EYA3: variants seen among roughly 807,000 people sequenced by gnomAD.
EYA3 encodes EYA transcriptional coactivator and phosphatase 3, also known as protein phosphatase EYA3.
In EYA3, 39 loss-of-function variants were observed where a neutral mutation model predicts 80.0. The ratio of observed to expected loss-of-function variants is 0.49; its 90% CI spans 0.38 to 0.64. The LOEUF (loss-of-function observed/expected upper bound fraction) is 0.64. Among genes scored for constraint, EYA3 ranks in the 30% least tolerant of loss-of-function variants. The pLI is 0.00. For missense variants in EYA3, 523 were observed against 676.1 expected (o/e 0.77, Z 2.51); for synonymous variants, 206 against 232.8 (o/e 0.88, Z 1.05).
At chr1:28,024,613 T>C (rs1417901927) in intron 7 of EYA3, among the ~76,000 whole-genome samples, 2 of 149,250 alleles carry the variant, frequency 1.3e-5, no homozygotes, top group African/African-American at 2.5e-5. Context: ...GCCGAGAGCA[T>C]GCCACTGCAC....
chr1:28,076,737 CTT>C (rs1024335865), intron 1 of EYA3, among the ~76,000 whole-genome samples: 3 of 115,106 alleles, frequency 2.6e-5, no homozygotes, highest in African/African-American at 6.4e-5. Context: ...TTTATAATTT[CTT>C]TTTTTTTTTT....
rs568768309 is a variant in EYA3 at position 28,042,345 on chromosome 1, G to T, written c.157+226C>A. On this transcript the variant is annotated intron_variant, in intron 4 of 17. Coordinates refer to ENST00000373871, the MANE Select transcript of EYA3 (RefSeq NM_001990.4). ...AATCTCAAAACAAAAATAAAATCAC[G>T]GCGTGTGACTCCTTGGGTGAGTGGA... Among the ~76,000 whole-genome samples, 5 of 152,032 alleles carry T rather than the reference G, an allele frequency of 3.3e-5. No individual in the cohort carries two copies. In the South Asian group the frequency reaches 1.0e-3, roughly 32 times the overall value.
At chr1:28,028,297 T>G (rs1642907540) in intron 6 of EYA3, among the ~76,000 whole-genome samples, 2 of 152,308 alleles carry the variant, frequency 1.3e-5, no homozygotes, top group South Asian at 4.1e-4. Flanking sequence ...ATCCAAACTG[T>G]CAAGGTAGGA....
intron 1 of EYA3, among the ~76,000 whole-genome samples, chr1:28,087,507 C>G (rs899718371): frequency 6.6e-6 from 1 of 152,142 alleles, no homozygotes; most frequent in African/African-American, 2.4e-5. Flanking sequence ...TTAAAGATTA[C>G]TTTGAAATTA....
At position 27,972,675 on chromosome 1, in the gene EYA3, T is replaced by C. The variant is rs1557512825; in HGVS notation, c.*1791A>G. 6.6e-6 allele frequency: 1 copy of C among 152,274 alleles called. No individual in the cohort carries two copies. The highest frequency in any genetic ancestry group is 2.4e-5 in the African/African-American group (1 of 41,470). 9.4% of individuals were successfully genotyped at this position (152,274 alleles called of 1,614,324 possible). A position where few individuals can be genotyped will look rare whatever the true frequency, so the allele number is the denominator to read the frequency against. On this transcript the variant is annotated 3_prime_UTR_variant, in exon 18 of 18. Coordinates refer to ENST00000373871, the MANE Select transcript of EYA3 (RefSeq NM_001990.4). ...CTGAGGTGCTTGTATCATCTCTCTCTGTGTAGCCTGGGAGAGGCTGAACTT... is the reference window on the plus strand; with the variant it reads ...CTGAGGTGCTTGTATCATCTCTCTCCGTGTAGCCTGGGAGAGGCTGAACTT...
At chr1:28,076,235 T>C (rs770773798) in intron 1 of EYA3, among the ~76,000 whole-genome samples, 2 of 152,238 alleles carry the variant, frequency 1.3e-5, no homozygotes, top group Non-Finnish European at 2.9e-5. Flanking sequence ...TGAATTCTTC[T>C]GGCTACTTTG....
rs771445824 is a variant in EYA3 at position 28,027,751 on chromosome 1, A to T, written c.499+38T>A. ...TAGATTAAAAACAAGAAACAATAATAATAATTTTAAAACACACACACAACC... is the reference window on the plus strand; with the variant it reads ...TAGATTAAAAACAAGAAACAATAATTATAATTTTAAAACACACACACAACC... On this transcript the variant is annotated intron_variant, in intron 7 of 17. Transcript: ENST00000373871. 14 of 1,610,918 alleles carry T rather than the reference A, an allele frequency of 8.7e-6. No homozygotes were observed. The Admixed American group carries it at 2.2e-4, about 25-fold the overall frequency.
chr1:28,053,811 T>C (rs1644353371), intron 2 of EYA3, among the ~76,000 whole-genome samples: 1 of 152,180 alleles, frequency 6.6e-6, no homozygotes, highest in African/African-American at 2.4e-5. Flanking sequence ...ATCCCAGAAA[T>C]TTCAAGACAG....
intron 7 of EYA3, among the ~76,000 whole-genome samples, chr1:28,024,638 C>G (rs796392753): frequency 6.6e-6 from 1 of 152,100 alleles, no homozygotes; most frequent in Non-Finnish European, 1.5e-5. Context: ...GCCTGGGCGA[C>G]AGAGCAAGAC....
At chr1:28,079,327 C>T (rs188043524) in intron 1 of EYA3, among the ~76,000 whole-genome samples, 2 of 152,334 alleles carry the variant, frequency 1.3e-5, no homozygotes, top group East Asian at 1.9e-4. Context: ...AATCCACTGT[C>T]GCAAACCCTA....
chr1:28,021,377 G>C lies in EYA3; in HGVS notation c.500-4138C>G, dbSNP rs950495347. Among the ~76,000 whole-genome samples the C allele has an allele frequency of 3.3e-5, 5 of 152,080 alleles. No homozygotes were observed. The South Asian group carries it at 8.3e-4, about 25-fold the overall frequency. ...CCTTTTCTGTTTTCTTAATCACAGT[G>C]ATCAATTTTTTTTTCAGAGCACTGT... On this transcript the variant is annotated intron_variant, in intron 7 of 17. Coordinates refer to ENST00000373871, the MANE Select transcript of EYA3 (RefSeq NM_001990.4).
intron 6 of EYA3, among the ~76,000 whole-genome samples, chr1:28,031,533 C>T (rs372298774): frequency 1.2e-4 from 18 of 152,328 alleles, no homozygotes; most frequent in East Asian, 5.8e-4. Context: ...GGGGTCTTAT[C>T]ACAAACTCTA....
chr1:28,023,471 T>A (rs2148818683), intron 7 of EYA3, among the ~76,000 whole-genome samples: 1 of 152,280 alleles, frequency 6.6e-6, no homozygotes, highest in Non-Finnish European at 1.5e-5. Flanking sequence ...AAGGTCAACA[T>A]CAACAGTCAT....
intron 16 of EYA3, among the ~76,000 whole-genome samples, chr1:27,988,171 C>T (rs1303253306): frequency 6.6e-6 from 1 of 152,106 alleles, no homozygotes; most frequent in South Asian, 2.1e-4. Context: ...TGTCTGGCCA[C>T]CATTTTTAGG....
In EYA3 at chr1:27,970,591, C is replaced by T. The variant is rs946414689; in HGVS notation, c.*3875G>A. 1 of 152,160 alleles carries T rather than the reference C, an allele frequency of 6.6e-6. No individual in the cohort carries two copies. 9.4% of individuals were successfully genotyped at this position (152,160 alleles called of 1,614,324 possible). A position where few individuals can be genotyped will look rare whatever the true frequency, so the allele number is the denominator to read the frequency against. ...GGAACTAGCCAAGGAGCCTTGCTTG[C>T]CAGAGCTGTCTGACTCAGAGGAGAG... is the stretch of plus-strand genomic sequence containing the variant. On this transcript the variant is annotated 3_prime_UTR_variant, in exon 18 of 18. Transcript: ENST00000373871.
At position 27,984,242 on chromosome 1, in the gene EYA3, G is replaced by A. The variant is rs554223111; in HGVS notation, c.1540+4293C>T. 1.2e-3 allele frequency among the ~76,000 whole-genome samples: 186 copies of A among 151,800 alleles called. 6 individuals are homozygous for A. The highest frequency in any genetic ancestry group is 4.2e-4 in the South Asian group (2 of 4,800). On this transcript the variant is annotated intron_variant, in intron 16 of 17. Transcript: ENST00000373871. ...TTTTGTAGAGATGGGGCCTCACTAT[G>A]TTACCCACGATGGTCCTGAACTCCT... is the stretch of plus-strand genomic sequence containing the variant.
At chr1:28,045,361 G>A (rs1041619940) in intron 3 of EYA3, among the ~76,000 whole-genome samples, 3 of 152,062 alleles carry the variant, frequency 2.0e-5, no homozygotes, top group Admixed American at 2.0e-4. Flanking sequence ...AATTACCAGG[G>A]GAAGGGCATA....
chr1:28,020,796 G>A (rs1447135513), intron 7 of EYA3, among the ~76,000 whole-genome samples: 1 of 151,592 alleles, frequency 6.6e-6, no homozygotes, highest in African/African-American at 2.4e-5. Flanking sequence ...CAAATTTAGA[G>A]AATCAAATAA....
chr1:28,006,801 G>T (rs755424583), intron 10 of EYA3, among the ~76,000 whole-genome samples: 1 of 152,110 alleles, frequency 6.6e-6, no homozygotes, highest in South Asian at 2.1e-4. Context: ...CCTGAGACAA[G>T]GATGTCTGTT....
Sources: allele counts gnomAD v4.1 joint callset (sites outside exome capture counted in the v4.1 genomes callset), GRCh38; gene constraint gnomAD v4.1.1; transcripts MANE v1.5; gene names NCBI Gene and HGNC (gene_info 2026-07-23, HGNC 2026-07-21).